The following RBFOX1 variants were observed in gnomAD, a reference collection of about 807,000 sequenced individuals.
RBFOX1 encodes RNA binding fox-1 homolog 1.
A neutral mutation model predicts 57.7 loss-of-function variants in RBFOX1; 8 were observed. That is an observed-to-expected ratio of 0.14 (90% CI 0.08 to 0.25). RBFOX1 has a LOEUF of 0.25. Ranked by LOEUF, RBFOX1 falls within the 10% of genes least tolerant of loss-of-function variation. The pLI is 1.00. For missense variants in RBFOX1, 611 were observed against 548.5 expected, an observed-to-expected ratio of 1.11 and a Z score of -1.14; for synonymous variants, 326 against 222.4, an observed-to-expected ratio of 1.47 and a Z score of -4.15.
chr16:5,366,093 C>A, intron 1 of RBFOX1: 1 of 466,970 alleles, frequency 2.1e-6, no homozygotes, highest in Non-Finnish European at 4.2e-6. Flanking sequence ...AGTGCTCTTA[C>A]GGTTGAAGTG....
intron 3 of RBFOX1, among the ~76,000 whole-genome samples, chr16:5,742,179 C>T (rs747481357): frequency 2.6e-5 from 4 of 151,898 alleles, no homozygotes; most frequent in Non-Finnish European, 2.9e-5. Context: ...TGGGCATATC[C>T]GTCCTTCCCT....
intron 3 of RBFOX1, among the ~76,000 whole-genome samples, chr16:6,769,088 C>T (rs1429713270): frequency 6.6e-6 from 1 of 152,146 alleles, no homozygotes; most frequent in African/African-American, 2.4e-5. Context: ...ACCCAAATCT[C>T]ATCTTGAATT....
Position 7,309,899 on chromosome 16 carries a change from G to T in RBFOX1, c.28-208248G>T, listed in dbSNP as rs149447566. The stretch of plus-strand genomic sequence containing the variant: ...CCCATCTGCAGACCCCTTTTTAATG[G>T]ACGGGGAGAAGTGTCCCAATGTTCT... On this transcript the variant is annotated intron_variant, in intron 4 of 15. Coordinates refer to ENST00000550418, the MANE Select transcript of RBFOX1 (RefSeq NM_018723.4). Among the ~76,000 whole-genome samples the T allele has an allele frequency of 3.2e-4, 48 of 152,284 alleles. No individual in the cohort carries two copies. In the East Asian group the frequency reaches 7.3e-3, roughly 23 times the overall value.
At chr16:6,125,285 G>T (rs1000879063) in intron 1 of RBFOX1, among the ~76,000 whole-genome samples, 8 of 152,176 alleles carry the variant, frequency 5.3e-5, no homozygotes, top group Non-Finnish European at 8.8e-5. Context: ...GTCACTAGAT[G>T]GAGGAGGATA....
intron 12 of RBFOX1, among the ~76,000 whole-genome samples, chr16:7,658,412 C>G (rs1568323964): frequency 6.6e-6 from 1 of 152,034 alleles, no homozygotes; most frequent in South Asian, 2.1e-4. Context: ...GTAGAGTTTT[C>G]CTTATTTCTC....
intron 3 of RBFOX1, among the ~76,000 whole-genome samples, chr16:6,862,087 C>A (rs750021729): frequency 6.6e-6 from 1 of 152,094 alleles, no homozygotes; most frequent in African/African-American, 2.4e-5. Context: ...GAGAAGATGT[C>A]ATTGGGCTGT....
intron 3 of RBFOX1, among the ~76,000 whole-genome samples, chr16:5,656,054 G>A (rs1177543896): frequency 6.6e-6 from 1 of 152,134 alleles, no homozygotes; most frequent in African/African-American, 2.4e-5. Flanking sequence ...GATTGACTGG[G>A]ATTACTTTTC....
intron 4 of RBFOX1, among the ~76,000 whole-genome samples, chr16:7,470,670 G>A (rs2061400323): frequency 6.6e-6 from 1 of 152,084 alleles, no homozygotes; most frequent in South Asian, 2.1e-4. Context: ...ACGTATGTAT[G>A]TATGGTTAGA....
chr16:7,018,210 C>G (rs892710035), intron 3 of RBFOX1, among the ~76,000 whole-genome samples: 10 of 152,088 alleles, frequency 6.6e-5, no homozygotes, highest in South Asian at 2.1e-4. Context: ...TAGTAACTAC[C>G]TGAAGAAGGG....
chr16:7,313,843 C>T (rs182747156), intron 4 of RBFOX1, among the ~76,000 whole-genome samples: 82 of 152,204 alleles, frequency 5.4e-4, no homozygotes, highest in Middle Eastern at 3.4e-3. Flanking sequence ...CACGATTCTG[C>T]ACCATCCCTA....
intron 2 of RBFOX1, among the ~76,000 whole-genome samples, chr16:6,563,996 T>G (rs1040655688): frequency 2.6e-5 from 4 of 152,106 alleles, no homozygotes; most frequent in Non-Finnish European, 5.9e-5. Context: ...GACAGACATG[T>G]AAACTACAGC....
At chr16:7,697,545 T>G (rs1416257966) in intron 14 of RBFOX1, among the ~76,000 whole-genome samples, 1 of 152,194 alleles carries the variant, frequency 6.6e-6, no homozygotes, top group Non-Finnish European at 1.5e-5. Context: ...TGCATGCATA[T>G]GTATGATAAA....
In RBFOX1 at chr16:5,963,546, G is replaced by T. The variant is rs147210664; in HGVS notation, c.351+96211G>T. Reference sequence around the variant, plus strand: ...TAGTAATTAAAACACTATGGTACTGGCATATAAACAGACACATAGACCAGT... The same window carrying T: ...TAGTAATTAAAACACTATGGTACTGTCATATAAACAGACACATAGACCAGT... On this transcript the variant is annotated intron_variant, in intron 4 of 19. Transcript: ENST00000641259. 9.1e-3 allele frequency among the ~76,000 whole-genome samples: 1,383 copies of T among 152,218 alleles called. 25 individuals carry two copies. The highest frequency in any genetic ancestry group is 0.032 in the African/African-American group (1,317 of 41,524).
chr16:6,243,212 AT>A (rs2097549600), intron 1 of RBFOX1, among the ~76,000 whole-genome samples: 1 of 152,016 alleles, frequency 6.6e-6, no homozygotes, highest in South Asian at 2.1e-4. Flanking sequence ...ATTTGAAAAC[AT>A]TAGGTGAGTT....
chr16:7,315,359 G>T (rs184055161), intron 4 of RBFOX1, among the ~76,000 whole-genome samples: 2 of 151,722 alleles, frequency 1.3e-5, no homozygotes, highest in Admixed American at 1.3e-4. Context: ...GATACGTAAG[G>T]CTTTTAGGAA....
chr16:7,518,106 C>G (rs776934661), intron 4 of RBFOX1, 41 bp from the exon 5 acceptor site: 3 of 1,581,148 alleles, frequency 1.9e-6, no homozygotes, highest in Middle Eastern at 1.7e-4. Flanking sequence ...GGTGGCTCCT[C>G]ATGACGTTCT....
intron 1 of RBFOX1, among the ~76,000 whole-genome samples, chr16:6,205,743 G>C (rs1039891635): frequency 1.3e-5 from 2 of 151,486 alleles, no homozygotes; most frequent in East Asian, 1.9e-4. Flanking sequence ...TGGTGTGTTT[G>C]GTTATTCTAT....
chr16:7,345,746 T>A (rs1192116126), intron 4 of RBFOX1, among the ~76,000 whole-genome samples: 2 of 152,332 alleles, frequency 1.3e-5, no homozygotes, highest in Admixed American at 1.3e-4. Flanking sequence ...GGGATTCTTA[T>A]CTGTCCAAAC....
intron 2 of RBFOX1, among the ~76,000 whole-genome samples, chr16:5,490,009 G>C (rs1487747726): frequency 1.3e-5 from 2 of 152,230 alleles, no homozygotes; most frequent in African/African-American, 4.8e-5. Flanking sequence ...TCTTGGTGCT[G>C]CCTGCAGGCT....
Sources: allele counts gnomAD v4.1 joint callset (sites outside exome capture counted in the v4.1 genomes callset), GRCh38; gene constraint gnomAD v4.1.1; transcripts MANE v1.5; gene names NCBI Gene and HGNC (gene_info 2026-07-23, HGNC 2026-07-21).